SLC30A6: variants seen among roughly 807,000 people sequenced by gnomAD.
SLC30A6 encodes zinc transporter 6.
Under a neutral mutation model 63.0 loss-of-function variants are expected in SLC30A6, and 55 were observed. The observed-to-expected ratio is 0.87, with a 90% CI of 0.70 to 1.09. The LOEUF (loss-of-function observed/expected upper bound fraction) is 1.09. SLC30A6 is among the 50% of genes least tolerant of loss of function. The pLI is 0.00. For synonymous variants in SLC30A6, 224 were observed against 186.1 expected (o/e 1.20, Z -1.66); for missense variants, 587 against 549.2 (o/e 1.07, Z -0.69).
intron 8 of SLC30A6, among the ~76,000 whole-genome samples, chr2:32,197,082 C>G (rs141838577): frequency 1.3e-5 from 2 of 152,148 alleles, no homozygotes; most frequent in African/African-American, 4.8e-5. Context: ...TGTAAAGAAC[C>G]TTTAAAACCT....
At chr2:32,169,078 A>G (rs536691870) in intron 1 of SLC30A6, among the ~76,000 whole-genome samples, 1 of 152,278 alleles carries the variant, frequency 6.6e-6, no homozygotes, top group South Asian at 2.1e-4. Context: ...AATCTTTGGA[A>G]CCAAAATAAC....
chr2:32,175,292 T>G, intron 3 of SLC30A6, 27 bp from the exon 4 acceptor site: 1 of 1,606,488 alleles, frequency 6.2e-7, no homozygotes, highest in Non-Finnish European at 8.5e-7. Flanking sequence ...CAGTAATACT[T>G]TTAATCATTT....
At chr2:32,175,896 C>T (rs1681696622) in intron 4 of SLC30A6, among the ~76,000 whole-genome samples, 1 of 152,066 alleles carries the variant, frequency 6.6e-6, no homozygotes, top group Non-Finnish European at 1.5e-5. Context: ...TTGCTTGGAC[C>T]CAGGAGGCGG....
intron 13 of SLC30A6, among the ~76,000 whole-genome samples, chr2:32,212,684 C>T (rs889404088): frequency 6.7e-6 from 1 of 149,456 alleles, no homozygotes; most frequent in African/African-American, 2.5e-5. Flanking sequence ...GCAACCTCCG[C>T]CTCCCAGGTT....
rs11453810 is a variant in SLC30A6, at chr2:32,195,099, C to CTTT, written c.496+1132_496+1134dup. Among the ~76,000 whole-genome samples, 90 of 125,722 alleles carry CTTT rather than the reference C, an allele frequency of 7.2e-4. 1 individual carries two copies. The highest frequency in any genetic ancestry group is 9.2e-4 in the Non-Finnish European group (57 of 62,046). 82.5% of individuals were successfully genotyped at this position (125,722 alleles called of 152,430 possible). A position where few individuals can be genotyped will look rare whatever the true frequency, so the allele number is the denominator to read the frequency against. On this transcript the variant is annotated intron_variant, in intron 8 of 13. Transcript: ENST00000282587. The stretch of plus-strand genomic sequence containing the variant: ...GTATATATTACAGTTTTATGCCTGG[C>CTTT]TTTTTTTTTTTTTTTTTTGAAACGG...
At chr2:32,205,870 A>T (rs1366187844) in intron 11 of SLC30A6, among the ~76,000 whole-genome samples, 1 of 151,362 alleles carries the variant, frequency 6.6e-6, no homozygotes, top group African/African-American at 2.4e-5. Flanking sequence ...GTTTCACTAC[A>T]TTGACCAGGA....
chr2:32,186,262 T>A (rs1435611410), intron 5 of SLC30A6, among the ~76,000 whole-genome samples: 1 of 152,238 alleles, frequency 6.6e-6, no homozygotes, highest in Non-Finnish European at 1.5e-5. Flanking sequence ...GTCCAGCTCC[T>A]GGCCTCAAAG....
At chr2:32,187,218 GCTCCTATCAAGACCTTAATTCACACCTT>G in intron 5 of SLC30A6, 1 of 470,980 alleles carries the variant, frequency 2.1e-6, no homozygotes, top group Non-Finnish European at 4.4e-6. Flanking sequence ...CCGAAATGAT[GCTCCTATCAAGACCTTAATTCACACCTT>G]CTCACCTTCA....
At chr2:32,209,687 C>CTAAAAT in intron 13 of SLC30A6, 126 bp downstream of exon 13, 1 of 743,506 alleles carries the variant, frequency 1.3e-6, no homozygotes. Context: ...TAAGCAGAGT[C>CTAAAAT]TAAAATGTAC....
chr2:32,191,041 C>G (rs1006178966), intron 5 of SLC30A6, among the ~76,000 whole-genome samples: 11 of 152,300 alleles, frequency 7.2e-5, no homozygotes, highest in Admixed American at 7.2e-4. Context: ...TAGTACTGCA[C>G]TATGTCAATT....
rs1049837399 is a variant in SLC30A6, at chr2:32,222,577, T to C, written c.*1864T>C. ...TAAATACCTTTTTCTTAGTGAGGAG[T>C]TGGTCATTGTCTTTGGCATCTGCAA... is the stretch of plus-strand genomic sequence containing the variant. On this transcript the variant is annotated 3_prime_UTR_variant, in exon 14 of 14. Transcript: ENST00000282587. 2.6e-5 allele frequency: 4 copies of C among 152,056 alleles called. No individual in the cohort carries two copies. The highest frequency in any genetic ancestry group is 4.8e-5 in the African/African-American group (2 of 41,380). 9.4% of individuals were successfully genotyped at this position (152,056 alleles called of 1,614,324 possible). A position where few individuals can be genotyped will look rare whatever the true frequency, so the allele number is the denominator to read the frequency against.
intron 11 of SLC30A6, among the ~76,000 whole-genome samples, chr2:32,205,618 A>G (rs1660350648): frequency 6.6e-6 from 1 of 151,760 alleles, no homozygotes; most frequent in South Asian, 2.1e-4. Flanking sequence ...CAAAATCACA[A>G]ATTTAAAGCT....
intron 10 of SLC30A6, chr2:32,203,814 A>G: frequency 2.1e-6 from 3 of 1,449,874 alleles, no homozygotes; most frequent in East Asian, 2.3e-5. Flanking sequence ...ATAGAAACAC[A>G]TCTTCTAATT....
chr2:32,203,858 C>A, intron 10 of SLC30A6: 2 of 1,218,206 alleles, frequency 1.6e-6, no homozygotes, highest in East Asian at 2.3e-5. Flanking sequence ...AGTGGCCAGT[C>A]GGGCCGATCA....
intron 5 of SLC30A6, among the ~76,000 whole-genome samples, chr2:32,191,507 A>G (rs1211895913): frequency 2.0e-5 from 3 of 152,186 alleles, no homozygotes; most frequent in Non-Finnish European, 4.4e-5. Flanking sequence ...GTTGCAGGAA[A>G]AACTAAAACA....
intron 5 of SLC30A6, among the ~76,000 whole-genome samples, chr2:32,184,982 A>G (rs1394042935): frequency 1.3e-5 from 2 of 152,248 alleles, no homozygotes; most frequent in East Asian, 1.9e-4. Context: ...TAAATGTGAT[A>G]TAGTTTAATA....
intron 8 of SLC30A6, among the ~76,000 whole-genome samples, chr2:32,196,890 G>GT (rs1461573146): frequency 6.6e-6 from 1 of 152,026 alleles, no homozygotes; most frequent in Non-Finnish European, 1.5e-5. Context: ...GTGAAACCCC[G>GT]TCTCTACTAA....
intron 1 of SLC30A6, among the ~76,000 whole-genome samples, chr2:32,169,590 A>C (rs1480964794): frequency 6.6e-6 from 1 of 152,212 alleles, no homozygotes; most frequent in African/African-American, 2.4e-5. Context: ...CATCCTGGCT[A>C]ACACGGTGAA....
At chr2:32,184,594 A>G (rs955521587) in intron 5 of SLC30A6, among the ~76,000 whole-genome samples, 2 of 152,154 alleles carry the variant, frequency 1.3e-5, no homozygotes, top group Admixed American at 6.5e-5. Flanking sequence ...GCAGACCCCT[A>G]TCTCTACTAA....
Sources: gnomAD v4.1 joint callset for allele counts (sites outside exome capture counted in the v4.1 genomes callset) on GRCh38, gnomAD v4.1.1 for gene constraint, MANE v1.5 for transcripts, NCBI Gene and HGNC (gene_info 2026-07-23, HGNC 2026-07-21) for gene names.